LRP1B: variants seen among roughly 807,000 people sequenced by gnomAD.
LRP1B encodes LDL receptor related protein 1B.
A neutral mutation model predicts 556.6 loss-of-function variants in LRP1B; 217 were observed. The ratio of observed to expected loss-of-function variants is 0.39; its 90% CI spans 0.35 to 0.44. LRP1B has a LOEUF of 0.44. Among genes scored for constraint, LRP1B ranks in the 20% least tolerant of loss-of-function variants. The pLI is 1.00. For synonymous variants in LRP1B, 2,047 were observed against 1,865.8 expected (o/e 1.10, Z -2.50); for missense variants, 5,053 against 5,620.8 (o/e 0.90, Z 3.23).
At chr2:141,644,128 C>G (rs1689456352) in intron 2 of LRP1B, among the ~76,000 whole-genome samples, 1 of 151,796 alleles carries the variant, frequency 6.6e-6, no homozygotes, top group South Asian at 2.1e-4. Context: ...CCTTTTCCCC[C>G]ACACAATGAT....
intron 1 of LRP1B, among the ~76,000 whole-genome samples, chr2:141,910,975 G>A (rs1451464294): frequency 6.6e-6 from 1 of 151,884 alleles, no homozygotes; most frequent in Non-Finnish European, 1.5e-5. Flanking sequence ...AATAAATTTG[G>A]TCAACTTTTA....
intron 7 of LRP1B, among the ~76,000 whole-genome samples, chr2:141,103,591 G>A (rs1045521194): frequency 6.7e-6 from 1 of 150,012 alleles, no homozygotes; most frequent in Non-Finnish European, 1.5e-5. Context: ...ATAAAGAAAT[G>A]TGCACCTATT....
chr2:140,353,876 G>T (rs945058866), intron 75 of LRP1B, among the ~76,000 whole-genome samples: 2 of 152,034 alleles, frequency 1.3e-5, no homozygotes, highest in African/African-American at 4.8e-5. Flanking sequence ...AAGTGACTAC[G>T]TAACAAGAAG....
In LRP1B at chr2:141,665,958, T is replaced by C. The variant is rs148697283; in HGVS notation, c.205+144321A>G. ...GGGGAACAACACACATGGGGGCCTG[T>C]TGGGGGCAGGGGTGGTGGCAGTGGG... On this transcript the variant is annotated intron_variant, in intron 2 of 90. Transcript: ENST00000389484. Among the ~76,000 whole-genome samples, 141 of 152,104 alleles carry C rather than the reference T, an allele frequency of 9.3e-4. 4 individuals are homozygous for C. The East Asian group carries it at 0.026, about 28-fold the overall frequency.
chr2:140,804,428 T>A (rs1690637785), intron 32 of LRP1B, among the ~76,000 whole-genome samples: 2 of 151,930 alleles, frequency 1.3e-5, no homozygotes, highest in Admixed American at 1.3e-4. Flanking sequence ...ATTGTATGTA[T>A]TTTTTAAATT....
intron 7 of LRP1B, among the ~76,000 whole-genome samples, chr2:141,118,529 G>C (rs926022332): frequency 6.6e-6 from 1 of 151,820 alleles, no homozygotes; most frequent in Non-Finnish European, 1.5e-5. Flanking sequence ...AAATGTAATG[G>C]ATAGAAATTG....
intron 1 of LRP1B, among the ~76,000 whole-genome samples, chr2:141,965,764 A>G (rs377719366): frequency 2.1e-4 from 28 of 130,636 alleles, no homozygotes; most frequent in African/African-American, 6.3e-4. Flanking sequence ...AATAATAATA[A>G]TAGTAATAAT....
intron 1 of LRP1B, among the ~76,000 whole-genome samples, chr2:141,908,939 G>T (rs1699831613): frequency 6.6e-6 from 1 of 152,176 alleles, no homozygotes; most frequent in Non-Finnish European, 1.5e-5. Context: ...GATCAGGGAG[G>T]TTAAACAAAA....
In LRP1B at chr2:141,013,701, C is replaced by T. The variant is rs149353509; in HGVS notation, c.2235G>A (p.Ser745=). 32 of 1,600,474 alleles carry T rather than the reference C, an allele frequency of 2.0e-5. No homozygotes were observed. Among genetic ancestry groups the T allele is most frequent in the South Asian group, 9.0e-5 (8 of 89,084 alleles). The change falls in exon 14 of 91, where the codon TCG becomes TCA. Residue 745 remains serine, a synonymous_variant. Coordinates refer to ENST00000389484, the MANE Select transcript of LRP1B (RefSeq NM_018557.3). The part of the protein sequence containing the change: ...GRELNHPFGL[S]HHGNYVFWTD... ...TCCAGAACACATAATTTCCATGATG[C>T]GACAGTCCGAAAGGGTGGTTCAACT...
rs1425321523 is a variant in LRP1B, at chr2:141,388,661, C to A, written c.343+91735G>T. 2.1e-4 allele frequency among the ~76,000 whole-genome samples: 32 copies of A among 151,830 alleles called. 1 individual carries two copies. Among genetic ancestry groups the A allele is most frequent in the Admixed American group, 2.1e-3 (32 of 15,248 alleles). On this transcript the variant is annotated intron_variant, in intron 3 of 90. Coordinates refer to ENST00000389484, the MANE Select transcript of LRP1B (RefSeq NM_018557.3). ...GTTGTACTGAAAAGTCTAGTTAGAG[C>A]AATTCAGCAATAGTAGGAAATAAAA... is the stretch of plus-strand genomic sequence containing the variant.
intron 1 of LRP1B, among the ~76,000 whole-genome samples, chr2:141,942,803 C>T (rs990079709): frequency 2.6e-5 from 4 of 152,116 alleles, no homozygotes; most frequent in East Asian, 1.9e-4. Context: ...TGTAAGCAGA[C>T]GAGGAGACCA....
rs532044083 is a variant in LRP1B at position 141,401,401 on chromosome 2, A to T, written c.343+78995T>A. On this transcript the variant is annotated intron_variant, in intron 3 of 90. Coordinates refer to ENST00000389484, the MANE Select transcript of LRP1B (RefSeq NM_018557.3). ...AGGGTATTGGAGAATACAATTTTTT[A>T]AATACATCACTAACTGCCTCTCTTT... is the stretch of plus-strand genomic sequence containing the variant. Among the ~76,000 whole-genome samples, 36 of 152,312 alleles carry T rather than the reference A, an allele frequency of 2.4e-4. 1 individual carries two copies. The highest frequency in any genetic ancestry group is 8.2e-4 in the African/African-American group (34 of 41,566).
chr2:141,408,391 G>C (rs1410006910), intron 3 of LRP1B, among the ~76,000 whole-genome samples: 1 of 151,850 alleles, frequency 6.6e-6, no homozygotes, highest in African/African-American at 2.4e-5. Context: ...TGATCTGACC[G>C]CCTCGGCCTC....
At chr2:141,334,074 C>A (rs958620816) in intron 3 of LRP1B, among the ~76,000 whole-genome samples, 2 of 152,152 alleles carry the variant, frequency 1.3e-5, no homozygotes, top group Non-Finnish European at 2.9e-5. Flanking sequence ...AAGCTCTAAT[C>A]TAAAAACAAT....
chr2:140,766,835 A>ATATAT (rs1689126369), intron 35 of LRP1B, among the ~76,000 whole-genome samples: 1 of 25,328 alleles, frequency 3.9e-5, no homozygotes, highest in Admixed American at 3.8e-4. Context: ...ATATATATAT[A>ATATAT]TATATATATT....
At chr2:141,200,048 A>T (rs1681935420) in intron 6 of LRP1B, among the ~76,000 whole-genome samples, 1 of 152,232 alleles carries the variant, frequency 6.6e-6, no homozygotes, top group Non-Finnish European at 1.5e-5. Flanking sequence ...TAGAACTACC[A>T]TTGGACCCAG....
At chr2:142,058,589 T>C (rs1704770203) in intron 1 of LRP1B, among the ~76,000 whole-genome samples, 1 of 152,100 alleles carries the variant, frequency 6.6e-6, no homozygotes, top group South Asian at 2.1e-4. Context: ...TTAGTGTGAA[T>C]GTATTCTATG....
At chr2:140,538,566 T>TA (rs11411670) in intron 45 of LRP1B, among the ~76,000 whole-genome samples, 65,218 of 146,680 alleles carry the variant, frequency 0.44, 14,872 homozygotes, top group South Asian at 0.58. Flanking sequence ...CAAAGATATA[T>TA]TTCTTTTCTC....
intron 82 of LRP1B, among the ~76,000 whole-genome samples, chr2:140,319,141 CCAAA>C (rs1341272115): frequency 4.0e-5 from 6 of 151,432 alleles, no homozygotes; most frequent in East Asian, 1.9e-4. Context: ...ATAATTTGGA[CCAAA>C]CAAAGAGGAA....
Sources: allele counts gnomAD v4.1 joint callset (sites outside exome capture counted in the v4.1 genomes callset), GRCh38; gene constraint gnomAD v4.1.1; transcripts MANE v1.5; gene names NCBI Gene and HGNC (gene_info 2026-07-23, HGNC 2026-07-21).